NAPG: variants seen among roughly 807,000 people sequenced by gnomAD.
NAPG encodes the protein gamma-soluble NSF attachment protein.
A neutral mutation model predicts 48.4 loss-of-function variants in NAPG; 25 were observed. The ratio of observed to expected loss-of-function variants is 0.52; its 90% CI spans 0.38 to 0.72. The LOEUF (loss-of-function observed/expected upper bound fraction) is 0.72. Among genes scored for constraint, NAPG ranks in the 30% least tolerant of loss-of-function variants. The pLI is 0.00. For missense variants in NAPG, 359 were observed against 372.5 expected (o/e 0.96, Z 0.30); for synonymous variants, 139 against 127.2 (o/e 1.09, Z -0.62).
At position 10,540,328 on chromosome 18, in the gene NAPG, G is replaced by C; in HGVS notation, c.436-1G>C. 1 of 1,613,058 alleles carries C rather than the reference G, an allele frequency of 6.2e-7. No individual in the cohort carries two copies. Among genetic ancestry groups the C allele is most frequent in the South Asian group, 1.1e-5 (1 of 91,026 alleles). On this transcript the variant is annotated splice_acceptor_variant, in intron 7 of 11. Coordinates refer to ENST00000322897, the MANE Select transcript of NAPG (RefSeq NM_003826.3). LOFTEE classifies it high-confidence loss of function. ...CACTTGTTTTTCTTTGATTCCTTCAGAATGAAGAACGCTTACGACAGGCAG... is the reference window on the plus strand; with the variant it reads ...CACTTGTTTTTCTTTGATTCCTTCACAATGAAGAACGCTTACGACAGGCAG...
chr18:10,530,669 T>C, intron 1 of NAPG, 101 bp from the exon 2 acceptor site: 2 of 190,942 alleles, frequency 1.0e-5, no homozygotes, highest in Non-Finnish European at 1.6e-5. Flanking sequence ...GGTTTCTCCT[T>C]TTTTTTTTTT....
chr18:10,548,676 T>C lies in NAPG; in HGVS notation c.666-291T>C, dbSNP rs1489910152. ...AAGGGGGAAAAAATTATCAGATTTA[T>C]GTTACAGAAATCAAAATGAGGAATT... On this transcript the variant is annotated intron_variant, in intron 10 of 11. Coordinates refer to ENST00000322897, the MANE Select transcript of NAPG (RefSeq NM_003826.3). The surrounding 1 kb of genome is among the most constrained non-coding windows in gnomAD (Gnocchi z 4.4). Among the ~76,000 whole-genome samples the C allele has an allele frequency of 2.0e-5, 3 of 152,116 alleles. No individual in the cohort carries two copies. The highest frequency in any genetic ancestry group is 4.4e-5 in the Non-Finnish European group (3 of 68,030).
chr18:10,545,153 A>T (rs1400446746), intron 8 of NAPG, among the ~76,000 whole-genome samples: 2 of 152,098 alleles, frequency 1.3e-5, no homozygotes, highest in African/African-American at 4.8e-5. Context: ...CTCTATTAAA[A>T]ATACAGAAAT....
chr18:10,533,480 G>A, intron 3 of NAPG, 56 bp from the exon 4 acceptor site: 1 of 1,488,002 alleles, frequency 6.7e-7, no homozygotes, highest in South Asian at 1.2e-5. Context: ...TTGATCTATA[G>A]AAACTATTGA....
intron 3 of NAPG, 101 bp downstream of exon 3, chr18:10,532,896 G>T: frequency 2.0e-6 from 2 of 1,003,442 alleles, no homozygotes; most frequent in Non-Finnish European, 1.5e-6. Context: ...GAAGTAAAAT[G>T]TTTTTAAATT....
chr18:10,527,637 C>G (rs994026985), intron 1 of NAPG, among the ~76,000 whole-genome samples: 1 of 152,140 alleles, frequency 6.6e-6, no homozygotes, highest in Non-Finnish European at 1.5e-5. Context: ...GATTTGTGAG[C>G]AGAGCTTGAA....
intron 1 of NAPG, among the ~76,000 whole-genome samples, chr18:10,529,736 G>GAGC (rs764818475): frequency 1.1e-4 from 16 of 152,172 alleles, no homozygotes; most frequent in Middle Eastern, 3.2e-3. Context: ...CTGGGTGACA[G>GAGC]AGCGAGACCC....
Position 10,552,169 on chromosome 18 carries a change from A to C in NAPG, c.*1949A>C, listed in dbSNP as rs903810177. 1.3e-5 allele frequency: 2 copies of C among 152,162 alleles called. No homozygotes were observed. Among genetic ancestry groups the C allele is most frequent in the African/African-American group, 4.8e-5 (2 of 41,438 alleles). The allele number at this position is 152,162 out of a possible 1,614,324, so 9.4% of individuals were successfully genotyped here. ...CTGGGGGAAAAAATTTTTTAATTTT[A>C]CTCTTCTTATGTACTGAAAACTTTT... On this transcript the variant is annotated 3_prime_UTR_variant, in exon 12 of 12. Coordinates refer to ENST00000322897, the MANE Select transcript of NAPG (RefSeq NM_003826.3).
intron 5 of NAPG, among the ~76,000 whole-genome samples, chr18:10,536,912 T>G (rs1001090760): frequency 6.6e-6 from 1 of 151,826 alleles, no homozygotes; most frequent in African/African-American, 2.4e-5. Flanking sequence ...CAGTTGAAAC[T>G]CTACATATAA....
intron 1 of NAPG, among the ~76,000 whole-genome samples, chr18:10,529,148 C>G (rs2143088321): frequency 6.6e-6 from 1 of 152,128 alleles, no homozygotes; most frequent in East Asian, 1.9e-4. Flanking sequence ...CTGGGTCTTT[C>G]CGTGTATAGC....
rs2143129815 is a variant in NAPG at position 10,542,327 on chromosome 18, A to G, written c.506+1928A>G. On this transcript the variant is annotated intron_variant, in intron 8 of 11. Transcript: ENST00000322897. This position sits in a 1 kb window ranked among gnomAD's most constrained non-coding sequence, Gnocchi z 4.5. ...AAATATATTTTTGAAGTGTATTAAC[A>G]ATATAAAAATTAATTTAAATTTGTG... is the stretch of plus-strand genomic sequence containing the variant. Among the ~76,000 whole-genome samples, 1 of 152,258 alleles carries G rather than the reference A, an allele frequency of 6.6e-6. No homozygotes were observed. The highest frequency in any genetic ancestry group is 1.9e-4 in the East Asian group (1 of 5,186).
rs1012933598 is a variant in NAPG, at chr18:10,544,479, C to G, written c.507-1847C>G. 1.3e-5 allele frequency among the ~76,000 whole-genome samples: 2 copies of G among 152,176 alleles called. No homozygotes were observed. The highest frequency in any genetic ancestry group is 2.9e-5 in the Non-Finnish European group (2 of 68,034). Reference sequence around the variant, plus strand: ...GATTCCTGTTTTCTTGTTGCCTGTTCGCCAGGAACTGCTCTCAGCTTTGAG... The same window carrying G: ...GATTCCTGTTTTCTTGTTGCCTGTTGGCCAGGAACTGCTCTCAGCTTTGAG... On this transcript the variant is annotated intron_variant, in intron 8 of 11. Coordinates refer to ENST00000322897, the MANE Select transcript of NAPG (RefSeq NM_003826.3). This position sits in a 1 kb window ranked among gnomAD's most constrained non-coding sequence, Gnocchi z 5.1.
chr18:10,541,114 G>C (rs1275061404), intron 8 of NAPG, among the ~76,000 whole-genome samples: 1 of 152,160 alleles, frequency 6.6e-6, no homozygotes, highest in Non-Finnish European at 1.5e-5. Context: ...TATCCTATCT[G>C]AGACTGAATT....
At chr18:10,537,719 C>A (rs139368817) in intron 5 of NAPG, among the ~76,000 whole-genome samples, 7 of 152,282 alleles carry the variant, frequency 4.6e-5, no homozygotes, top group South Asian at 2.1e-4. Context: ...CGGATTCTTT[C>A]ATTGACTTTT....
At chr18:10,529,410 A>C (rs192617385) in intron 1 of NAPG, among the ~76,000 whole-genome samples, 109 of 152,344 alleles carry the variant, frequency 7.2e-4, no homozygotes, top group African/African-American at 2.2e-3. Flanking sequence ...TATATACACA[A>C]ACAAGTTTTA....
chr18:10,548,767 T>A lies in NAPG; in HGVS notation c.666-200T>A, dbSNP rs2032321685. 6.6e-6 allele frequency among the ~76,000 whole-genome samples: 1 copy of A among 152,192 alleles called. No homozygotes were observed. The highest frequency in any genetic ancestry group is 2.4e-5 in the African/African-American group (1 of 41,448). On this transcript the variant is annotated intron_variant, in intron 10 of 11. Transcript: ENST00000322897. This position sits in a 1 kb window ranked among gnomAD's most constrained non-coding sequence, Gnocchi z 4.4. ...TTAACATTTGGGCTGGATAATTCTT[T>A]GTGGTCGGGCCTGTCCTGTGCACTG...
chr18:10,530,387 T>C (rs930557576), intron 1 of NAPG, among the ~76,000 whole-genome samples: 5 of 152,080 alleles, frequency 3.3e-5, no homozygotes, highest in Non-Finnish European at 7.4e-5. Flanking sequence ...TGAATCCCTC[T>C]GCTGTCGATA....
Position 10,550,839 on chromosome 18 carries a change from T to G in NAPG, c.*619T>G, listed in dbSNP as rs1185604925. The G allele has an allele frequency of 6.6e-6, 1 of 152,214 alleles. No homozygotes were observed. Among genetic ancestry groups the G allele is most frequent in the Non-Finnish European group, 1.5e-5 (1 of 68,066 alleles). 9.4% of individuals were successfully genotyped at this position (152,214 alleles called of 1,614,324 possible). On this transcript the variant is annotated 3_prime_UTR_variant, in exon 12 of 12. Coordinates refer to ENST00000322897, the MANE Select transcript of NAPG (RefSeq NM_003826.3). ...TTGAAAAATTTTGAAGGTAGCATAT[T>G]GAAGTGATCTATAAATATCTTCAGT...
At chr18:10,530,964 A>C in intron 2 of NAPG, 127 bp downstream of exon 2, 3 of 736,922 alleles carry the variant, frequency 4.1e-6, no homozygotes, top group East Asian at 3.3e-5. Flanking sequence ...AAACAAAACA[A>C]CTGTGCAAGC....
Sources: allele counts gnomAD v4.1 joint callset (sites outside exome capture counted in the v4.1 genomes callset), GRCh38; gene constraint gnomAD v4.1.1; non-coding constraint Gnocchi (gnomAD v3.1); transcripts MANE v1.5; gene names NCBI Gene and HGNC (gene_info 2026-07-23, HGNC 2026-07-21).